KCNMA1: variants seen among roughly 807,000 people sequenced by gnomAD.
KCNMA1 encodes the protein potassium calcium-activated channel subfamily M alpha 1.
Under a neutral mutation model 140.0 loss-of-function variants are expected in KCNMA1, and 29 were observed. That is an observed-to-expected ratio of 0.21 (90% CI 0.15 to 0.28). KCNMA1 has a LOEUF of 0.28. Among genes scored for constraint, KCNMA1 ranks in the 10% least tolerant of loss-of-function variants. The probability of loss-of-function intolerance (pLI) is 1.00; values close to 1 mark genes in which losing one functional copy is unlikely to be tolerated. For synonymous variants in KCNMA1, 612 were observed against 611.9 expected, an observed-to-expected ratio of 1.00 and a Z score of 0.00; for missense variants, 880 against 1,602.2, an observed-to-expected ratio of 0.55 and a Z score of 7.70.
rs769727956 is a variant in KCNMA1 at position 77,637,309 on chromosome 10, T to C, written c.334A>G (p.Lys112Glu). The change falls in exon 1 of 28, where the codon AAG becomes GAG. Residue 112 changes from lysine to glutamate, a missense_variant. This residue lies in a region of KCNMA1 where 31 missense variants were observed against 75.0 expected (regional missense o/e 0.41). Coordinates refer to ENST00000286628, the MANE Select transcript of KCNMA1 (RefSeq NM_001161352.2). Reference protein sequence around the residue: ...LFIILLWRTLKYLWTVCCHCG... With the variant: ...LFIILLWRTLEYLWTVCCHCG... ...TGGCAGCACACGGTCCACAGGTACT[T>C]GAGCGTCCGCCAGAGCAAGATGATG... 1 of 1,613,428 alleles carries C rather than the reference T, an allele frequency of 6.2e-7. No individual in the cohort carries two copies. Among genetic ancestry groups the C allele is most frequent in the Non-Finnish European group, 8.5e-7 (1 of 1,179,792 alleles).
At chr10:77,251,599 C>T (rs12252683) in intron 2 of KCNMA1, among the ~76,000 whole-genome samples, 2 of 152,062 alleles carry the variant, frequency 1.3e-5, no homozygotes, top group African/African-American at 4.8e-5. Flanking sequence ...TAGGGTGATA[C>T]AATTTTTAAT....
At chr10:77,479,176 G>T (rs1211509938) in intron 1 of KCNMA1, among the ~76,000 whole-genome samples, 1 of 152,174 alleles carries the variant, frequency 6.6e-6, no homozygotes, top group Non-Finnish European at 1.5e-5. Flanking sequence ...AAATAGAAAA[G>T]AATATCCACA....
At chr10:77,254,577 T>C (rs934519294) in intron 2 of KCNMA1, among the ~76,000 whole-genome samples, 1 of 152,196 alleles carries the variant, frequency 6.6e-6, no homozygotes, top group African/African-American at 2.4e-5. Context: ...CATGCTATTA[T>C]GCAATTAGTG....
At chr10:77,470,556 G>A (rs1401941360) in intron 1 of KCNMA1, among the ~76,000 whole-genome samples, 2 of 152,170 alleles carry the variant, frequency 1.3e-5, no homozygotes, top group African/African-American at 2.4e-5. Context: ...ACCACAAAGG[G>A]TGCTCTTCAG....
intron 2 of KCNMA1, among the ~76,000 whole-genome samples, chr10:77,321,648 T>C (rs1473808074): frequency 6.6e-6 from 1 of 152,242 alleles, no homozygotes; most frequent in East Asian, 1.9e-4. Context: ...CCACACCAGA[T>C]CAGGCAGTGT....
chr10:77,259,069 A>C (rs2061422331), intron 2 of KCNMA1, among the ~76,000 whole-genome samples: 1 of 152,218 alleles, frequency 6.6e-6, no homozygotes, highest in African/African-American at 2.4e-5. Context: ...AATCATCCAT[A>C]GGTCCCCTAA....
intron 2 of KCNMA1, among the ~76,000 whole-genome samples, chr10:77,344,190 C>A (rs906746280): frequency 6.6e-6 from 1 of 152,238 alleles, no homozygotes; most frequent in Non-Finnish European, 1.5e-5. Flanking sequence ...CCTCGGCCAC[C>A]AGCCCACAAG....
Position 77,268,379 on chromosome 10 carries a change from TC to T in KCNMA1, c.541-17124del, listed in dbSNP as rs1233637571. 2.0e-5 allele frequency among the ~76,000 whole-genome samples: 3 copies of T among 152,134 alleles called. No individual in the cohort carries two copies. The East Asian group carries it at 5.8e-4, about 29-fold the overall frequency. ...ATGCTGTTCGCAGAGTATAGGAGAT[TC>T]TCCGAGAGAAGCCAGTAGCATTTCC... On this transcript the variant is annotated intron_variant, in intron 2 of 27. Transcript: ENST00000286628.
intron 1 of KCNMA1, among the ~76,000 whole-genome samples, chr10:77,486,372 T>C (rs2098460647): frequency 6.6e-6 from 1 of 152,196 alleles, no homozygotes; most frequent in Non-Finnish European, 1.5e-5. Context: ...TGGAGTGATC[T>C]CGGGACCATT....
chr10:77,407,286 C>T (rs1317933394), intron 1 of KCNMA1, among the ~76,000 whole-genome samples: 1 of 152,116 alleles, frequency 6.6e-6, no homozygotes, highest in Non-Finnish European at 1.5e-5. Context: ...GAAGAGGCCC[C>T]TCTCTCCACC....
At chr10:77,211,376 TG>T (rs2046017152) in intron 3 of KCNMA1, among the ~76,000 whole-genome samples, 2 of 152,168 alleles carry the variant, frequency 1.3e-5, no homozygotes, top group African/African-American at 4.8e-5. Context: ...ATTAAATAAA[TG>T]GTGTGGGTAT....
intron 24 of KCNMA1, chr10:76,914,670 A>G (rs1302210482): frequency 2.2e-5 from 9 of 405,546 alleles, no homozygotes; most frequent in Non-Finnish European, 4.2e-5. Context: ...TGAATGCCCC[A>G]ATCGCAAATC....
At position 76,914,447 on chromosome 10, in the gene KCNMA1, G is replaced by A. The variant is rs543524826; in HGVS notation, c.3016+489C>T. ...GCTTTTGGCTGAGATATTCAACTAC[G>A]ATACGTTAAATGTCAAGTTATTACA... is the stretch of plus-strand genomic sequence containing the variant. On this transcript the variant is annotated intron_variant, in intron 24 of 27. Coordinates refer to ENST00000286628, the MANE Select transcript of KCNMA1 (RefSeq NM_001161352.2). The A allele has an allele frequency of 3.3e-4, 148 of 455,120 alleles. 1 individual carries two copies. The East Asian group carries it at 5.5e-3, about 17-fold the overall frequency. 28.2% of individuals were successfully genotyped at this position (455,120 alleles called of 1,614,324 possible). A position where few individuals can be genotyped will look rare whatever the true frequency, so the allele number is the denominator to read the frequency against.
chr10:77,439,164 A>AAAGAG (rs1296502658), intron 1 of KCNMA1, among the ~76,000 whole-genome samples: 3,201 of 117,396 alleles, frequency 0.027, 60 homozygotes, highest in Middle Eastern at 0.081. Context: ...GAAGAGAAGA[A>AAAGAG]AAGAAAAGAG....
chr10:77,053,325 CAT>C (rs1461942686), intron 14 of KCNMA1, among the ~76,000 whole-genome samples: 2 of 152,216 alleles, frequency 1.3e-5, no homozygotes, highest in Non-Finnish European at 2.9e-5. Flanking sequence ...TTTTCATTAA[CAT>C]ATGGGAAAGA....
At chr10:77,023,051 C>A in intron 16 of KCNMA1, 1 of 397,396 alleles carries the variant, frequency 2.5e-6, no homozygotes, top group Non-Finnish European at 5.1e-6. Flanking sequence ...CTCAGTCCCG[C>A]AGGGAAATGC....
intron 5 of KCNMA1, among the ~76,000 whole-genome samples, chr10:77,163,034 C>T (rs369636489): frequency 1.3e-5 from 2 of 152,220 alleles, no homozygotes; most frequent in Non-Finnish European, 1.5e-5. Context: ...TAAGTAAATG[C>T]TCAAACATAT....
chr10:77,326,404 C>T (rs1012004890), intron 2 of KCNMA1, among the ~76,000 whole-genome samples: 3 of 152,144 alleles, frequency 2.0e-5, no homozygotes, highest in Admixed American at 6.5e-5. Flanking sequence ...GGATGGTTCA[C>T]AATAGATTTG....
At chr10:77,037,158 G>A (rs996506354) in intron 15 of KCNMA1, among the ~76,000 whole-genome samples, 2 of 152,184 alleles carry the variant, frequency 1.3e-5, no homozygotes, top group Admixed American at 6.5e-5. Context: ...CAGCTCTTGA[G>A]CTGGCTGAAG....
Sources: gnomAD v4.1 joint callset for allele counts (sites outside exome capture counted in the v4.1 genomes callset) on GRCh38, gnomAD v4.1.1 for gene constraint, gnomAD v4.1.1 regional missense constraint, MANE v1.5 for transcripts, NCBI Gene and HGNC (gene_info 2026-07-23, HGNC 2026-07-21) for gene names.